Variants in ZFHX3 observed in about 807,000 individuals in gnomAD.
ZFHX3 encodes the protein zinc finger homeobox 3, also known as zinc finger homeobox protein 3.
A neutral mutation model predicts 279.1 loss-of-function variants in ZFHX3; 42 were observed. That is an observed-to-expected ratio of 0.15 (90% CI 0.12 to 0.19). ZFHX3 has a LOEUF of 0.19. Ranked by LOEUF, ZFHX3 falls within the 10% of genes least tolerant of loss-of-function variation. The pLI is 1.00. For missense variants in ZFHX3, 4,981 were observed against 4,754.0 expected, an observed-to-expected ratio of 1.05 and a Z score of -1.40; for synonymous variants, 2,293 against 1,957.8, an observed-to-expected ratio of 1.17 and a Z score of -4.52.
chr16:73,201,285 G>C (rs1968263093), intron 5 of ZFHX3, among the ~76,000 whole-genome samples: 1 of 152,232 alleles, frequency 6.6e-6, no homozygotes, highest in Non-Finnish European at 1.5e-5. Flanking sequence ...ACCTGGAAAT[G>C]AGGCAAACAC....
chr16:73,019,770 C>T (rs1259656186), intron 1 of ZFHX3, among the ~76,000 whole-genome samples: 1 of 152,348 alleles, frequency 6.6e-6, no homozygotes, highest in East Asian at 1.9e-4. Context: ...GCAATCAGGG[C>T]TCACCCGCCC....
At chr16:72,879,844 A>G (rs1238596518) in intron 4 of ZFHX3, among the ~76,000 whole-genome samples, 1 of 152,214 alleles carries the variant, frequency 6.6e-6, no homozygotes, top group Non-Finnish European at 1.5e-5. Flanking sequence ...CACAGGCACA[A>G]GAACCTTCCT....
At position 72,787,060 on chromosome 16, in the gene ZFHX3, T is replaced by G; in HGVS notation, c.*104A>C. ...TTTTCTTTTTTTTTTTTTTTTTGTT[T>G]TTTGGTTAGAAGCTTTGGAATTGCA... On this transcript the variant is annotated 3_prime_UTR_variant, in exon 10 of 10. Transcript: ENST00000268489. The G allele has an allele frequency of 3.3e-6, 4 of 1,198,174 alleles. No individual in the cohort carries two copies. Among genetic ancestry groups the G allele is most frequent in the Non-Finnish European group, 4.3e-6 (4 of 932,556 alleles). 74.2% of individuals were successfully genotyped at this position (1,198,174 alleles called of 1,614,324 possible). A position where few individuals can be genotyped will look rare whatever the true frequency, so the allele number is the denominator to read the frequency against.
At chr16:73,714,959 C>T (rs561336522) in intron 1 of ZFHX3, among the ~76,000 whole-genome samples, 3 of 152,266 alleles carry the variant, frequency 2.0e-5, no homozygotes, top group African/African-American at 4.8e-5. Context: ...GGATAAAGTC[C>T]GGGTCTCTCT....
intron 2 of ZFHX3, among the ~76,000 whole-genome samples, chr16:73,674,839 G>A (rs2052938590): frequency 6.6e-6 from 1 of 152,146 alleles, no homozygotes. Flanking sequence ...AGCCCCAGTT[G>A]ACTTCTCAGC....
chr16:72,797,297 GTGC>G lies in ZFHX3; in HGVS notation c.5382_5384del (p.Gln1794del), dbSNP rs570966249. 7.5e-6 allele frequency: 12 copies of G among 1,607,952 alleles called. No individual in the cohort carries two copies. Among genetic ancestry groups the G allele is most frequent in the Middle Eastern group, 1.7e-4 (1 of 6,028 alleles). On this transcript the variant is annotated inframe_deletion, in exon 9 of 10. Coordinates refer to ENST00000268489, the MANE Select transcript of ZFHX3 (RefSeq NM_006885.4). ...TGGGGATGTAGAAAGGGAAGAGGAG[GTGC>G]TGCTGCTGCTGTAGTTGCAGCAGGG...
At position 72,796,127 on chromosome 16, in the gene ZFHX3, G is replaced by A; in HGVS notation, c.6555C>T (p.Pro2185=). The A allele has an allele frequency of 6.2e-7, 1 of 1,614,108 alleles. No individual in the cohort carries two copies. Among genetic ancestry groups the A allele is most frequent in the Non-Finnish European group, 8.5e-7 (1 of 1,180,014 alleles). Residue 2185 remains proline (P), a synonymous_variant, in exon 9 of 10, where the codon CCC becomes CCT. Coordinates refer to ENST00000268489, the MANE Select transcript of ZFHX3 (RefSeq NM_006885.4). ...TGAACCAGTGCTTGATCACTTTCTGGGGCAACCCGGACTTGTCTGCCATCT... is the reference window on the plus strand; with the variant it reads ...TGAACCAGTGCTTGATCACTTTCTGAGGCAACCCGGACTTGTCTGCCATCT... ...IKEMADKSGL[P]QKVIKHWFRN...
chr16:73,386,950 A>G (rs1039389200), intron 3 of ZFHX3: 5 of 152,138 alleles, frequency 3.3e-5, no homozygotes, highest in African/African-American at 1.2e-4. Flanking sequence ...CGCATAACCT[A>G]GGAATTCTCT....
chr16:72,850,541 C>G (rs974654991), intron 4 of ZFHX3, among the ~76,000 whole-genome samples: 3 of 152,132 alleles, frequency 2.0e-5, no homozygotes, highest in Non-Finnish European at 4.4e-5. Context: ...TTAGAGGAGG[C>G]TCAAGGAACT....
intron 1 of ZFHX3, among the ~76,000 whole-genome samples, chr16:72,990,572 C>T (rs1305072649): frequency 6.6e-6 from 1 of 152,282 alleles, no homozygotes. Flanking sequence ...AAGGGATCCA[C>T]CCTGGAGGAG....
At chr16:73,742,574 G>C (rs1469270071) in intron 1 of ZFHX3, among the ~76,000 whole-genome samples, 5 of 152,160 alleles carry the variant, frequency 3.3e-5, no homozygotes, top group Admixed American at 3.3e-4. Context: ...CTTCTTGGAG[G>C]GGTGAGGGTA....
At chr16:73,394,247 T>A (rs1218390063) in intron 3 of ZFHX3, among the ~76,000 whole-genome samples, 3 of 150,806 alleles carry the variant, frequency 2.0e-5, no homozygotes, top group Admixed American at 2.0e-4. Context: ...CTGTTTTTTT[T>A]TTTTTTGAGA....
chr16:73,105,846 C>T (rs1966296821), intron 7 of ZFHX3, among the ~76,000 whole-genome samples: 1 of 152,108 alleles, frequency 6.6e-6, no homozygotes, highest in African/African-American at 2.4e-5. Context: ...TTTCATGGCC[C>T]TCATGATCAT....
intron 5 of ZFHX3, among the ~76,000 whole-genome samples, chr16:72,812,392 G>A (rs2036484172): frequency 6.6e-6 from 1 of 151,604 alleles, no homozygotes; most frequent in African/African-American, 2.4e-5. Flanking sequence ...CTGAGGGTGG[G>A]TGGGAAAGTC....
chr16:73,676,798 A>T (rs903378492), intron 2 of ZFHX3, among the ~76,000 whole-genome samples: 2 of 82,958 alleles, frequency 2.4e-5, no homozygotes, highest in African/African-American at 1.4e-4. Flanking sequence ...AGATACAAAT[A>T]AAAAAAAGAG....
At chr16:73,715,853 T>C (rs1292165305) in intron 1 of ZFHX3, among the ~76,000 whole-genome samples, 1 of 152,260 alleles carries the variant, frequency 6.6e-6, no homozygotes, top group African/African-American at 2.4e-5. Context: ...ATTACAGGCA[T>C]GAGCCACTGT....
chr16:73,887,977 C>T (rs1197270493), intron 1 of ZFHX3, among the ~76,000 whole-genome samples: 2 of 152,222 alleles, frequency 1.3e-5, no homozygotes, highest in Middle Eastern at 3.4e-3. Flanking sequence ...CTGGGAGGAA[C>T]GGTTTATTAT....
intron 1 of ZFHX3, among the ~76,000 whole-genome samples, chr16:73,804,480 T>C (rs950921373): frequency 4.6e-5 from 7 of 152,170 alleles, no homozygotes; most frequent in African/African-American, 1.4e-4. Context: ...GTCAGAAACA[T>C]TGATTAAATG....
intron 1 of ZFHX3, among the ~76,000 whole-genome samples, chr16:73,053,386 CTT>C (rs1965484349): frequency 6.6e-6 from 1 of 152,106 alleles, no homozygotes; most frequent in Non-Finnish European, 1.5e-5. Flanking sequence ...CCTTGAAACA[CTT>C]TCTTTTTTTC....
Sources: gnomAD v4.1 joint callset for allele counts (sites outside exome capture counted in the v4.1 genomes callset) on GRCh38, gnomAD v4.1.1 for gene constraint, MANE v1.5 for transcripts, NCBI Gene and HGNC (gene_info 2026-07-23, HGNC 2026-07-21) for gene names.